SNTG1: variants seen among roughly 807,000 people sequenced by gnomAD.
SNTG1 encodes the protein gamma-1-syntrophin.
A neutral mutation model predicts 74.7 loss-of-function variants in SNTG1; 39 were observed. That is an observed-to-expected ratio of 0.52 (90% CI 0.40 to 0.68). SNTG1 has a LOEUF of 0.68. Among genes scored for constraint, SNTG1 ranks in the 30% least tolerant of loss-of-function variants. The probability of loss-of-function intolerance (pLI) is 0.00; values close to 1 mark genes in which losing one functional copy is unlikely to be tolerated. For synonymous variants in SNTG1, 254 were observed against 217.1 expected (o/e 1.17, Z -1.49); for missense variants, 685 against 609.5 (o/e 1.12, Z -1.30).
intron 1 of SNTG1, among the ~76,000 whole-genome samples, chr8:49,965,163 C>T (rs772260900): frequency 2.8e-4 from 42 of 152,006 alleles, no homozygotes; most frequent in Non-Finnish European, 5.7e-4. Flanking sequence ...CTGATATTTG[C>T]CATTAATTCT....
intron 15 of SNTG1, among the ~76,000 whole-genome samples, chr8:50,689,566 G>A (rs574934445): frequency 6.6e-6 from 1 of 152,078 alleles, no homozygotes; most frequent in African/African-American, 2.4e-5. Flanking sequence ...ATTTGCATAT[G>A]TTGAACCAGC....
chr8:50,553,615 C>T (rs917240856), intron 12 of SNTG1, among the ~76,000 whole-genome samples: 1 of 152,066 alleles, frequency 6.6e-6, no homozygotes, highest in African/African-American at 2.4e-5. Flanking sequence ...AGAAGATTGC[C>T]ATTGTCTCAC....
At chr8:50,305,951 C>A (rs112341035) in intron 2 of SNTG1, among the ~76,000 whole-genome samples, 10,503 of 150,326 alleles carry the variant, frequency 0.07, 409 homozygotes, top group African/African-American at 0.086. Context: ...AAAGGGTTTT[C>A]GGTTACATGG....
At chr8:50,749,207 G>T (rs1342022813) in intron 17 of SNTG1, among the ~76,000 whole-genome samples, 2 of 152,164 alleles carry the variant, frequency 1.3e-5, no homozygotes, top group South Asian at 4.1e-4. Context: ...GGTATGGATA[G>T]ATCAAACCAG....
chr8:50,579,714 CT>C (rs1363746199), intron 12 of SNTG1, among the ~76,000 whole-genome samples: 1 of 152,212 alleles, frequency 6.6e-6, no homozygotes, highest in Admixed American at 6.5e-5. Context: ...AAGTCCCAAG[CT>C]TTGGCAGCTT....
intron 1 of SNTG1, among the ~76,000 whole-genome samples, chr8:50,167,652 A>G (rs550756953): frequency 6.6e-6 from 1 of 151,640 alleles, no homozygotes; most frequent in Non-Finnish European, 1.5e-5. Flanking sequence ...AAAAAAATAC[A>G]AAATACAAAA....
At chr8:50,148,662 G>A (rs2081958009) in intron 1 of SNTG1, among the ~76,000 whole-genome samples, 1 of 151,974 alleles carries the variant, frequency 6.6e-6, no homozygotes, top group Admixed American at 6.6e-5. Context: ...TTGGTTTTTT[G>A]TTCTTGTGAT....
At chr8:50,551,776 A>G (rs2094428382) in intron 11 of SNTG1, among the ~76,000 whole-genome samples, 8 of 152,206 alleles carry the variant, frequency 5.3e-5, no homozygotes, top group Admixed American at 5.2e-4. Flanking sequence ...AGAAAACAAA[A>G]GAGCATATCT....
At chr8:50,335,424 A>C (rs948574804) in intron 2 of SNTG1, among the ~76,000 whole-genome samples, 1 of 152,100 alleles carries the variant, frequency 6.6e-6, no homozygotes, top group African/African-American at 2.4e-5. Flanking sequence ...TTCCTAGTTC[A>C]ATCAACATTT....
At chr8:50,079,583 C>T (rs1822213924) in intron 1 of SNTG1, among the ~76,000 whole-genome samples, 2 of 152,086 alleles carry the variant, frequency 1.3e-5, no homozygotes, top group South Asian at 4.1e-4. Context: ...TCCCATTTGT[C>T]AATTTTGGCT....
intron 1 of SNTG1, among the ~76,000 whole-genome samples, chr8:50,061,145 T>C (rs1820437867): frequency 6.6e-6 from 1 of 152,174 alleles, no homozygotes; most frequent in African/African-American, 2.4e-5. Context: ...TCAAATGTTG[T>C]GTAGAATTCA....
At chr8:50,206,530 C>T (rs570707495) in intron 2 of SNTG1, among the ~76,000 whole-genome samples, 127 of 152,264 alleles carry the variant, frequency 8.3e-4, no homozygotes, top group South Asian at 2.9e-3. Flanking sequence ...AGTTTGACTT[C>T]CTCTTTTCCT....
chr8:50,732,835 A>G (rs1295572196), intron 17 of SNTG1, among the ~76,000 whole-genome samples: 1 of 152,054 alleles, frequency 6.6e-6, no homozygotes, highest in African/African-American at 2.4e-5. Context: ...CTTGATTTCT[A>G]ATGAGGTTGA....
At chr8:50,716,027 A>T (rs979233127) in intron 17 of SNTG1, among the ~76,000 whole-genome samples, 2 of 152,112 alleles carry the variant, frequency 1.3e-5, no homozygotes, top group Admixed American at 6.6e-5. Context: ...TATGGCTTTG[A>T]TAAACTGAAG....
At chr8:50,301,153 A>G (rs1389211217) in intron 2 of SNTG1, among the ~76,000 whole-genome samples, 3 of 151,726 alleles carry the variant, frequency 2.0e-5, no homozygotes, top group Non-Finnish European at 4.4e-5. Context: ...TTATTTTTCC[A>G]TTTTCTTCCT....
chr8:50,003,960 G>T (rs927069435), intron 1 of SNTG1, among the ~76,000 whole-genome samples: 19 of 152,084 alleles, frequency 1.2e-4, no homozygotes, highest in Admixed American at 2.6e-4. Context: ...AAAAGAATTT[G>T]CCAATGATCC....
intron 2 of SNTG1, among the ~76,000 whole-genome samples, chr8:50,277,436 T>C (rs1051176427): frequency 3.3e-5 from 5 of 152,226 alleles, no homozygotes; most frequent in African/African-American, 9.6e-5. Flanking sequence ...ACAAATTATA[T>C]GTATTTTTGA....
chr8:50,262,061 G>T (rs2087220308), intron 2 of SNTG1, among the ~76,000 whole-genome samples: 1 of 151,976 alleles, frequency 6.6e-6, no homozygotes, highest in South Asian at 2.1e-4. Flanking sequence ...AAAGGTAGCT[G>T]GAAAAATCAC....
intron 1 of SNTG1, among the ~76,000 whole-genome samples, chr8:49,970,933 C>T (rs1811605919): frequency 6.6e-6 from 1 of 152,142 alleles, no homozygotes; most frequent in Non-Finnish European, 1.5e-5. Context: ...TGAATTCTAC[C>T]ACAGGTACAA....
Sources: gnomAD v4.1 joint callset for allele counts (sites outside exome capture counted in the v4.1 genomes callset) on GRCh38, gnomAD v4.1.1 for gene constraint, MANE v1.5 for transcripts, NCBI Gene and HGNC (gene_info 2026-07-23, HGNC 2026-07-21) for gene names.